THSD7B: variants seen among roughly 807,000 people sequenced by gnomAD.
The protein encoded by THSD7B is thrombospondin type 1 domain containing 7B, also known as thrombospondin type-1 domain-containing protein 7B.
A neutral mutation model predicts 213.6 loss-of-function variants in THSD7B; 138 were observed. The ratio of observed to expected loss-of-function variants is 0.65; its 90% confidence interval spans 0.56 to 0.74. THSD7B has a LOEUF of 0.74. THSD7B is among the 30% of genes least tolerant of loss of function. The probability of loss-of-function intolerance (pLI) is 0.00; values close to 1 mark genes in which losing one functional copy is unlikely to be tolerated. For missense variants in THSD7B, 1,931 were observed against 1,991.5 expected (o/e 0.97, Z 0.58); for synonymous variants, 742 against 687.0 (o/e 1.08, Z -1.25).
chr2:137,277,268 G>A (rs543915336), intron 12 of THSD7B, among the ~76,000 whole-genome samples: 1 of 151,950 alleles, frequency 6.6e-6, no homozygotes, highest in Non-Finnish European at 1.5e-5. Context: ...ATAAAAGCAA[G>A]ATATTTCATA....
chr2:137,105,518 C>T (rs920953348), intron 4 of THSD7B, among the ~76,000 whole-genome samples: 3 of 152,132 alleles, frequency 2.0e-5, no homozygotes, highest in Non-Finnish European at 4.4e-5. Context: ...CCCTCTCTTA[C>T]CACTCCTATT....
At chr2:137,297,344 C>T (rs1220688940) in intron 12 of THSD7B, among the ~76,000 whole-genome samples, 1 of 148,844 alleles carries the variant, frequency 6.7e-6, no homozygotes, top group Non-Finnish European at 1.5e-5. Context: ...ACCCCACTTC[C>T]TTCCTCTTTT....
intron 1 of THSD7B, among the ~76,000 whole-genome samples, chr2:136,854,703 A>G (rs980668076): frequency 2.0e-5 from 3 of 151,396 alleles, no homozygotes; most frequent in African/African-American, 7.3e-5. Flanking sequence ...TTCAATGAGA[A>G]GTAGTTCAAC....
intron 1 of THSD7B, among the ~76,000 whole-genome samples, chr2:136,817,287 G>A (rs1160271254): frequency 2.0e-5 from 3 of 151,852 alleles, no homozygotes; most frequent in African/African-American, 2.4e-5. Context: ...AGTAGGTTGC[G>A]AAAATTTTCT....
At chr2:136,896,051 A>G (rs1683955014) in intron 2 of THSD7B, among the ~76,000 whole-genome samples, 1 of 152,202 alleles carries the variant, frequency 6.6e-6, no homozygotes, top group Non-Finnish European at 1.5e-5. Context: ...TAATGCTGTT[A>G]TGGGCATAAC....
In THSD7B at chr2:137,627,084, G is replaced by A. The variant is rs1269075796; in HGVS notation, c.3799+6358G>A. Among the ~76,000 whole-genome samples, 3 of 152,186 alleles carry A rather than the reference G, an allele frequency of 2.0e-5. No individual in the cohort carries two copies. In the East Asian group the frequency reaches 5.8e-4, roughly 29 times the overall value. On this transcript the variant is annotated intron_variant, in intron 20 of 27. Coordinates refer to ENST00000409968, the MANE Select transcript of THSD7B (RefSeq NM_001316349.2). ...ACTCATGACAGAAAGCGGAAGGGGA[G>A]CAGGCATGTGCAAAACAGTCACATG...
intron 3 of THSD7B, among the ~76,000 whole-genome samples, chr2:137,074,780 G>A (rs1687581619): frequency 6.6e-6 from 1 of 152,126 alleles, no homozygotes; most frequent in Non-Finnish European, 1.5e-5. Context: ...GGGCAGGCCT[G>A]GTGGTGACAA....
intron 15 of THSD7B, among the ~76,000 whole-genome samples, chr2:137,477,601 C>T (rs941798568): frequency 6.6e-6 from 1 of 150,974 alleles, no homozygotes; most frequent in Non-Finnish European, 1.5e-5. Flanking sequence ...CGTCTTTGTT[C>T]CTTTCCCTCT....
At chr2:137,336,657 G>C (rs1378027318) in intron 12 of THSD7B, among the ~76,000 whole-genome samples, 1 of 152,130 alleles carries the variant, frequency 6.6e-6, no homozygotes, top group African/African-American at 2.4e-5. Context: ...CAATGAGCTA[G>C]AACACAGGAC....
chr2:136,836,837 G>A (rs1682851142), intron 1 of THSD7B, among the ~76,000 whole-genome samples: 1 of 152,022 alleles, frequency 6.6e-6, no homozygotes, highest in African/African-American at 2.4e-5. Flanking sequence ...CTAAAATGAT[G>A]GGTATTAATT....
chr2:137,510,236 AC>A (rs1003227789), intron 15 of THSD7B, among the ~76,000 whole-genome samples: 3 of 151,530 alleles, frequency 2.0e-5, no homozygotes, highest in African/African-American at 4.9e-5. Flanking sequence ...TAGCCATTTT[AC>A]CCCCCTAGTT....
At chr2:136,893,364 G>A (rs1683898426) in intron 2 of THSD7B, among the ~76,000 whole-genome samples, 1 of 152,168 alleles carries the variant, frequency 6.6e-6, no homozygotes, top group South Asian at 2.1e-4. Flanking sequence ...TGAAATTATT[G>A]GTGGAGAAAT....
At chr2:137,038,276 T>A (rs1413540628) in intron 2 of THSD7B, among the ~76,000 whole-genome samples, 1 of 152,148 alleles carries the variant, frequency 6.6e-6, no homozygotes, top group East Asian at 1.9e-4. Context: ...TTTTAAAACA[T>A]CTTATTAAAA....
Position 137,412,328 on chromosome 2 carries a change from C to T in THSD7B, c.2959+456C>T, listed in dbSNP as rs1395426582. 4.0e-5 allele frequency among the ~76,000 whole-genome samples: 6 copies of T among 151,782 alleles called. 1 individual carries two copies. The highest frequency in any genetic ancestry group is 1.3e-4 in the Admixed American group (2 of 15,266). On this transcript the variant is annotated intron_variant, in intron 14 of 27. Transcript: ENST00000409968. Reference sequence around the variant, plus strand: ...AGTTTTACCGTATAAAGGCCAGGCGCGGTGGCTCACGCCTGTAATCCCAGC... The same window carrying T: ...AGTTTTACCGTATAAAGGCCAGGCGTGGTGGCTCACGCCTGTAATCCCAGC...
chr2:136,912,407 A>T (rs1479175653), intron 2 of THSD7B, among the ~76,000 whole-genome samples: 1 of 151,950 alleles, frequency 6.6e-6, no homozygotes, highest in East Asian at 1.9e-4. Context: ...CCCTCTCAAA[A>T]AAAGGAGGGA....
At chr2:137,589,616 T>C (rs1681820874) in intron 17 of THSD7B, among the ~76,000 whole-genome samples, 2 of 152,206 alleles carry the variant, frequency 1.3e-5, no homozygotes, top group African/African-American at 4.8e-5. Flanking sequence ...ATGTTTCTAT[T>C]CACTTCACTA....
intron 12 of THSD7B, among the ~76,000 whole-genome samples, chr2:137,311,257 C>T (rs1382818392): frequency 6.6e-6 from 1 of 151,340 alleles, no homozygotes; most frequent in East Asian, 1.9e-4. Context: ...ATTTTATTCT[C>T]TTTGAAGCAA....
chr2:137,321,233 C>T (rs1329480023), intron 12 of THSD7B, among the ~76,000 whole-genome samples: 7 of 152,138 alleles, frequency 4.6e-5, no homozygotes, highest in Non-Finnish European at 7.3e-5. Context: ...TATTATGTCT[C>T]TTATAGGCTA....
intron 12 of THSD7B, among the ~76,000 whole-genome samples, chr2:137,282,198 T>A (rs1361071177): frequency 6.6e-6 from 1 of 152,092 alleles, no homozygotes; most frequent in East Asian, 1.9e-4. Context: ...TGCATAAATG[T>A]CTTCTTTTGA....
Sources: gnomAD v4.1 joint callset for allele counts (sites outside exome capture counted in the v4.1 genomes callset) on GRCh38, gnomAD v4.1.1 for gene constraint, MANE v1.5 for transcripts, NCBI Gene and HGNC (gene_info 2026-07-23, HGNC 2026-07-21) for gene names.